NRXN1: variants seen among roughly 807,000 people sequenced by gnomAD.
The protein encoded by NRXN1 is neurexin 1.
In NRXN1, 39 loss-of-function variants were observed where a neutral mutation model predicts 150.9. The ratio of observed to expected loss-of-function variants is 0.26; its 90% CI spans 0.20 to 0.34. The LOEUF (loss-of-function observed/expected upper bound fraction) is 0.34. NRXN1 is among the 10% of genes least tolerant of loss of function. The pLI is 1.00. For synonymous variants in NRXN1, 924 were observed against 757.0 expected (o/e 1.22, Z -3.62); for missense variants, 1,815 against 1,949.9 (o/e 0.93, Z 1.30).
At chr2:50,083,292 T>C (rs1432111046) in intron 19 of NRXN1, among the ~76,000 whole-genome samples, 1 of 152,252 alleles carries the variant, frequency 6.6e-6, no homozygotes, top group Non-Finnish European at 1.5e-5. Context: ...ACTTCTGTTT[T>C]ACCACAACTC....
intron 21 of NRXN1, among the ~76,000 whole-genome samples, chr2:50,045,423 A>T (rs1308874535): frequency 6.6e-6 from 1 of 152,006 alleles, no homozygotes; most frequent in African/African-American, 2.4e-5. Flanking sequence ...GCTCACTGCA[A>T]CCTCCGCCTC....
intron 17 of NRXN1, among the ~76,000 whole-genome samples, chr2:50,414,627 T>G (rs1207223486): frequency 6.6e-6 from 1 of 152,064 alleles, no homozygotes. Flanking sequence ...TCTTAATTCA[T>G]ACTAAAAATC....
intron 21 of NRXN1, among the ~76,000 whole-genome samples, chr2:50,006,678 T>C (rs1323326103): frequency 6.6e-6 from 1 of 152,188 alleles, no homozygotes; most frequent in East Asian, 1.9e-4. Context: ...CAATGATGTA[T>C]GTCAAGAATG....
At chr2:50,692,627 G>A (rs1372308211) in intron 5 of NRXN1, among the ~76,000 whole-genome samples, 3 of 152,154 alleles carry the variant, frequency 2.0e-5, no homozygotes, top group East Asian at 3.9e-4. Context: ...TCAACAAAAA[G>A]CTATTTTTGT....
At chr2:50,089,752 C>T (rs1357410164) in intron 19 of NRXN1, among the ~76,000 whole-genome samples, 4 of 149,776 alleles carry the variant, frequency 2.7e-5, no homozygotes, top group Non-Finnish European at 5.9e-5. Flanking sequence ...ACTGCCACTA[C>T]ATCCAGTCTG....
intron 8 of NRXN1, among the ~76,000 whole-genome samples, chr2:50,585,243 C>A (rs1672907295): frequency 2.0e-5 from 3 of 152,068 alleles, no homozygotes; most frequent in South Asian, 2.1e-4. Flanking sequence ...ACAAAAAAAC[C>A]ACTACCCTTA....
At chr2:50,275,090 C>T (rs1266500846) in intron 17 of NRXN1, among the ~76,000 whole-genome samples, 2 of 152,162 alleles carry the variant, frequency 1.3e-5, no homozygotes, top group African/African-American at 4.8e-5. Context: ...TCCATTTGTT[C>T]TGCTCCTTTA....
At chr2:50,940,524 A>C in intron 2 of NRXN1, among the ~76,000 whole-genome samples, 1 of 151,960 alleles carries the variant, frequency 6.6e-6, no homozygotes, top group African/African-American at 2.4e-5. Flanking sequence ...ACATTGTATG[A>C]CACAACATAA....
At chr2:50,576,585 C>G (rs1181108694) in intron 8 of NRXN1, among the ~76,000 whole-genome samples, 1 of 151,930 alleles carries the variant, frequency 6.6e-6, no homozygotes, top group Non-Finnish European at 1.5e-5. Flanking sequence ...AATTCAATAG[C>G]CTCTCTTTCA....
chr2:50,352,776 T>TAATAATATAATA lies in NRXN1; in HGVS notation c.3364+112665_3364+112666insTATTATATTATT, dbSNP rs1478736717. Among the ~76,000 whole-genome samples the TAATAATATAATA allele has an allele frequency of 7.6e-3, 637 of 84,006 alleles. 2 individuals are homozygous for TAATAATATAATA. Among genetic ancestry groups the TAATAATATAATA allele is most frequent in the Admixed American group, 0.021 (132 of 6,268 alleles). The allele number at this position is 84,006 out of a possible 152,430, so 55.1% of individuals were successfully genotyped here. On this transcript the variant is annotated intron_variant, in intron 17 of 22. Coordinates refer to ENST00000401669, the MANE Select transcript of NRXN1 (RefSeq NM_001330078.2). ...TTGATAATAATAATAATAATAATAATATTATAATAATAATAATAATAATAA... is the reference window on the plus strand; with the variant it reads ...TTGATAATAATAATAATAATAATAATAATAATATAATAATTATAATAATAATAATAATAATAA...
intron 5 of NRXN1, among the ~76,000 whole-genome samples, chr2:50,891,614 C>T (rs998673933): frequency 6.6e-6 from 1 of 152,000 alleles, no homozygotes; most frequent in Non-Finnish European, 1.5e-5. Flanking sequence ...AAACAGATTA[C>T]TGCTTTAATA....
chr2:50,946,567 C>A (rs1465471347), intron 2 of NRXN1, among the ~76,000 whole-genome samples: 1 of 152,062 alleles, frequency 6.6e-6, no homozygotes, highest in Non-Finnish European at 1.5e-5. Flanking sequence ...ACATTTTTAA[C>A]CACATAAGAG....
At chr2:50,099,996 G>A (rs2218978) in intron 18 of NRXN1, among the ~76,000 whole-genome samples, 80,631 of 151,834 alleles carry the variant, frequency 0.53, 21,816 homozygotes, top group Non-Finnish European at 0.58. Context: ...CAGTTCTCAC[G>A]GAAAAAATTT....
At chr2:50,509,120 C>T (rs1021966035) in intron 12 of NRXN1, among the ~76,000 whole-genome samples, 1 of 152,168 alleles carries the variant, frequency 6.6e-6, no homozygotes, top group African/African-American at 2.4e-5. Flanking sequence ...AACTACTTGT[C>T]GCCAGGTCAC....
intron 17 of NRXN1, among the ~76,000 whole-genome samples, chr2:50,320,876 A>T (rs2075991064): frequency 6.6e-6 from 1 of 152,152 alleles, no homozygotes; most frequent in Non-Finnish European, 1.5e-5. Flanking sequence ...ATTCAACAGC[A>T]ATGGTTTGTA....
intron 5 of NRXN1, among the ~76,000 whole-genome samples, chr2:50,779,301 G>A (rs1042734037): frequency 6.6e-6 from 1 of 152,118 alleles, no homozygotes; most frequent in Non-Finnish European, 1.5e-5. Flanking sequence ...TTAGTTTGCT[G>A]AGAATGATGG....
At chr2:50,305,597 T>A (rs887051007) in intron 17 of NRXN1, among the ~76,000 whole-genome samples, 7 of 152,184 alleles carry the variant, frequency 4.6e-5, no homozygotes, top group Non-Finnish European at 8.8e-5. Context: ...ATACTAAATA[T>A]CCAATGCCCC....
intron 18 of NRXN1, among the ~76,000 whole-genome samples, chr2:50,164,502 G>A (rs1232896986): frequency 6.6e-6 from 1 of 152,068 alleles, no homozygotes; most frequent in Non-Finnish European, 1.5e-5. Context: ...TTTTTAATTG[G>A]CAATTATTGA....
chr2:50,225,365 A>G (rs2064271198), intron 18 of NRXN1, among the ~76,000 whole-genome samples: 1 of 152,010 alleles, frequency 6.6e-6, no homozygotes, highest in Non-Finnish European at 1.5e-5. Flanking sequence ...GCACCATGCT[A>G]GAGTATGAAA....
Sources: gnomAD v4.1 joint callset for allele counts (sites outside exome capture counted in the v4.1 genomes callset) on GRCh38, gnomAD v4.1.1 for gene constraint, MANE v1.5 for transcripts, NCBI Gene and HGNC (gene_info 2026-07-23, HGNC 2026-07-21) for gene names.